The following SFXN2 variants were observed in gnomAD, a reference collection of about 807,000 sequenced individuals.
SFXN2 encodes the protein sideroflexin 2.
In SFXN2, 37 loss-of-function variants were observed where a neutral mutation model predicts 41.9. That is an observed-to-expected ratio of 0.88 (90% CI 0.68 to 1.16). The LOEUF is 1.16. SFXN2 is among the 50% of genes most tolerant of loss of function. The pLI, the probability that SFXN2 is intolerant of heterozygous loss-of-function variation, is 0.00. For missense variants in SFXN2, 386 were observed against 425.2 expected, an observed-to-expected ratio of 0.91 and a Z score of 0.81; for synonymous variants, 150 against 156.7, an observed-to-expected ratio of 0.96 and a Z score of 0.32.
rs767071762 is a variant in SFXN2 at position 102,726,719 on chromosome 10, TA to T, written c.86del (p.Asn29ThrfsTer20). On this transcript the variant is annotated frameshift_variant, in exon 2 of 12. Coordinates refer to ENST00000369893, the MANE Select transcript of SFXN2 (RefSeq NM_178858.6). LOFTEE classifies it high-confidence loss of function. ...RTFLGRVKHF[L>X]NITDPRTVFV... ...TTCCTGGGGAGAGTGAAGCACTTCC[TA>T]AACATCACGGACCCCCGCACTGTCT... The T allele has an allele frequency of 1.2e-6, 2 of 1,614,146 alleles. No homozygotes were observed. Among genetic ancestry groups the T allele is most frequent in the South Asian group, 2.2e-5 (2 of 91,082 alleles).
intron 5 of SFXN2, 51 bp from the exon 6 acceptor site, chr10:102,729,672 C>G (rs868074878): frequency 1.3e-6 from 2 of 1,569,384 alleles, no homozygotes; most frequent in Non-Finnish European, 1.7e-6. Flanking sequence ...CCCCTCCCCT[C>G]CCATCTTCCA....
chr10:102,724,529 C>A (rs572321501), intron 1 of SFXN2, among the ~76,000 whole-genome samples: 5 of 152,170 alleles, frequency 3.3e-5, no homozygotes, highest in African/African-American at 1.2e-4. Flanking sequence ...TGGTGAAACC[C>A]CATCTCTACT....
At chr10:102,722,925 CTTTTTTTTTTTTT>C (rs71019608) in intron 1 of SFXN2, among the ~76,000 whole-genome samples, 2 of 53,364 alleles carry the variant, frequency 3.7e-5, no homozygotes, top group South Asian at 9.8e-4. Context: ...CAAGAAAGTC[CTTTTTTTTTTTTT>C]TTTTTTTTTT....
At chr10:102,731,249 A>G (rs1039878859) in intron 6 of SFXN2, among the ~76,000 whole-genome samples, 15 of 143,636 alleles carry the variant, frequency 1.0e-4, no homozygotes, top group Non-Finnish European at 2.0e-4. Context: ...CCTGGGTGAC[A>G]GAGTGCGATT....
intron 1 of SFXN2, among the ~76,000 whole-genome samples, chr10:102,718,150 A>G (rs888844839): frequency 2.6e-5 from 4 of 152,244 alleles, no homozygotes; most frequent in East Asian, 1.9e-4. Context: ...CCTGACTTCA[A>G]TTAAGAAGGC....
At chr10:102,730,089 T>C (rs185415943) in intron 6 of SFXN2, among the ~76,000 whole-genome samples, 1 of 152,306 alleles carries the variant, frequency 6.6e-6, no homozygotes, top group African/African-American at 2.4e-5. Flanking sequence ...CACTGGATCA[T>C]GTCCTTTTGG....
chr10:102,735,795 G>T, intron 10 of SFXN2, 67 bp from the exon 11 acceptor site: 1 of 1,547,712 alleles, frequency 6.5e-7, no homozygotes, highest in Non-Finnish European at 8.9e-7. Context: ...CCTTTCCCTT[G>T]GGGATGGGGG....
Position 102,740,563 on chromosome 10 carries a change from T to C in SFXN2, c.*2801T>C, listed in dbSNP as rs1002079977. ...AGCCCCAAAAGAAACCCCATACCCA[T>C]TGGCAGTCACTCCACATTCTCCCTA... is the stretch of plus-strand genomic sequence containing the variant. On this transcript the variant is annotated 3_prime_UTR_variant, in exon 12 of 12. Transcript: ENST00000369893. The C allele has an allele frequency of 9.2e-5, 14 of 152,200 alleles. No homozygotes were observed. The highest frequency in any genetic ancestry group is 3.4e-4 in the African/African-American group (14 of 41,434). The allele number at this position is 152,200 out of a possible 1,614,324, so 9.4% of individuals were successfully genotyped here.
In SFXN2 at chr10:102,727,107, C is replaced by G; in HGVS notation, c.282C>G (p.Phe94Leu). The G allele has an allele frequency of 6.2e-7, 1 of 1,607,966 alleles. No homozygotes were observed. ...TGAATGTCATCGGGCGCATGTCTTT[C>G]CAGCTTCCTGGCGGCATGATCATCA... ...EKMNVIGRMS[F>L]QLPGGMIITG... Residue 94 changes from phenylalanine (F) to leucine (L), a missense_variant, in exon 3 of 12, where the codon TTC becomes TTG. Transcript: ENST00000369893.
chr10:102,733,590 C>T lies in SFXN2; in HGVS notation c.808C>T (p.Leu270=). The change falls in exon 10 of 12, where the codon CTG becomes TTG. Residue 270 remains leucine, a synonymous_variant. Coordinates refer to ENST00000369893, the MANE Select transcript of SFXN2 (RefSeq NM_178858.6). ...CCTGCACGCCCCATTGCAGGTCATGCTGAGCGGGTGCTTGTAAGTATCATA... is the reference window on the plus strand; with the variant it reads ...CCTGCACGCCCCATTGCAGGTCATGTTGAGCGGGTGCTTGTAAGTATCATA... ...KVLHAPLQVM[L]SGCFLIFMVP... 1 of 1,614,068 alleles carries T rather than the reference C, an allele frequency of 6.2e-7. No homozygotes were observed. The highest frequency in any genetic ancestry group is 8.5e-7 in the Non-Finnish European group (1 of 1,179,890).
In SFXN2 at chr10:102,734,035, G is replaced by T. The variant is rs183700816; in HGVS notation, c.821+432G>T. 6.6e-6 allele frequency among the ~76,000 whole-genome samples: 1 copy of T among 151,920 alleles called. No individual in the cohort carries two copies. Among genetic ancestry groups the T allele is most frequent in the Non-Finnish European group, 1.5e-5 (1 of 67,996 alleles). ...CCTGAGTAGCTGGGATTACAGGCACGCACCATGATGCCTTGCTAATTTTTG... is the reference window on the plus strand; with the variant it reads ...CCTGAGTAGCTGGGATTACAGGCACTCACCATGATGCCTTGCTAATTTTTG... On this transcript the variant is annotated intron_variant, in intron 10 of 11. Coordinates refer to ENST00000369893, the MANE Select transcript of SFXN2 (RefSeq NM_178858.6). This position sits in a 1 kb window ranked among gnomAD's most constrained non-coding sequence, Gnocchi z 4.1.
In SFXN2 at chr10:102,727,120, G is replaced by T; in HGVS notation, c.295G>T (p.Gly99Cys). ...GCGCATGTCTTTCCAGCTTCCTGGC[G>T]GCATGATCATCACGGGCTTCATGCT... ...IGRMSFQLPG[G>C]MIITGFMLQF... Residue 99 changes from glycine to cysteine, a missense_variant, in exon 3 of 12, where the codon GGC becomes TGC. By Grantham distance (159) the Gly-to-Cys change is radical (BLOSUM62 -3). Coordinates refer to ENST00000369893, the MANE Select transcript of SFXN2 (RefSeq NM_178858.6). The T allele has an allele frequency of 6.2e-7, 1 of 1,607,084 alleles. No individual in the cohort carries two copies. Among genetic ancestry groups the T allele is most frequent in the Non-Finnish European group, 8.5e-7 (1 of 1,174,070 alleles).
In SFXN2 at chr10:102,739,714, C is replaced by G. The variant is rs1372639780; in HGVS notation, c.*1952C>G. ...ATCACCTGAGGTCAGGAGTTCGAGA[C>G]CAGCCTGATCAACATGGTGAAACCC... On this transcript the variant is annotated 3_prime_UTR_variant, in exon 12 of 12. Coordinates refer to ENST00000369893, the MANE Select transcript of SFXN2 (RefSeq NM_178858.6). 2 of 152,098 alleles carry G rather than the reference C, an allele frequency of 1.3e-5. No individual in the cohort carries two copies. The highest frequency in any genetic ancestry group is 2.9e-5 in the Non-Finnish European group (2 of 68,048). 9.4% of individuals were successfully genotyped at this position (152,098 alleles called of 1,614,324 possible). A position where few individuals can be genotyped will look rare whatever the true frequency, so the allele number is the denominator to read the frequency against.
rs764202725 is a variant in SFXN2, at chr10:102,728,492, T to C, written c.394T>C (p.Tyr132His). ...CCAGTCCTTCAATGCCTTAGTCAAC[T>C]ACACCAACAGGAATGCGGCTTCCCC... is the stretch of plus-strand genomic sequence containing the variant. ...VNQSFNALVN[Y>H]TNRNAASPTS... The change falls in exon 4 of 12, where the codon TAC (tyrosine) becomes CAC (histidine). Residue 132 changes from tyrosine (Y) to histidine (H), a missense_variant. Physicochemically the swap from Tyr to His is moderately conservative, Grantham distance 83. Coordinates refer to ENST00000369893, the MANE Select transcript of SFXN2 (RefSeq NM_178858.6). The C allele has an allele frequency of 6.2e-7, 1 of 1,613,888 alleles. No individual in the cohort carries two copies. Among genetic ancestry groups the C allele is most frequent in the South Asian group, 1.1e-5 (1 of 91,078 alleles).
At chr10:102,724,134 A>C (rs1256902592) in intron 1 of SFXN2, among the ~76,000 whole-genome samples, 1 of 152,198 alleles carries the variant, frequency 6.6e-6, no homozygotes, top group Admixed American at 6.5e-5. Flanking sequence ...TAGTTTGCTA[A>C]GGATAATGGC....
rs757911062 is a variant in SFXN2 at position 102,727,014 on chromosome 10, A to G, written c.189A>G (p.Gln63=). ...SRMGVVPPGT[Q]VEQLLYAKKL... is the part of the protein sequence containing the mutation. ...TGGGGGTTGTGCCCCCAGGCACCCAAGTGGAGCAGCTGCTGTATGCCAAGA... is the reference window on the plus strand; with the variant it reads ...TGGGGGTTGTGCCCCCAGGCACCCAGGTGGAGCAGCTGCTGTATGCCAAGA... The change falls in exon 3 of 12, where the codon CAA becomes CAG. Residue 63 remains glutamine, a synonymous_variant. Coordinates refer to ENST00000369893, the MANE Select transcript of SFXN2 (RefSeq NM_178858.6). 2 of 1,603,076 alleles carry G rather than the reference A, an allele frequency of 1.2e-6. No homozygotes were observed. Among genetic ancestry groups the G allele is most frequent in the Non-Finnish European group, 8.5e-7 (1 of 1,171,162 alleles).
chr10:102,729,660 GCCCC>G, intron 5 of SFXN2, 59 bp from the exon 6 acceptor site: 5 of 1,525,506 alleles, frequency 3.3e-6, no homozygotes, highest in Non-Finnish European at 4.5e-6. Flanking sequence ...TAGTCGTTCA[GCCCC>G]CTCCCCTCCC....
At chr10:102,727,486 C>T (rs372379391) in intron 3 of SFXN2, among the ~76,000 whole-genome samples, 1 of 152,160 alleles carries the variant, frequency 6.6e-6, no homozygotes, top group East Asian at 1.9e-4. Flanking sequence ...ACCCCAATTC[C>T]CTCTTTAAAA....
chr10:102,724,084 C>T (rs1003242174), intron 1 of SFXN2, among the ~76,000 whole-genome samples: 4 of 148,670 alleles, frequency 2.7e-5, no homozygotes, highest in African/African-American at 1.0e-4. Context: ...ATTTGGTTTT[C>T]TTACTTATAA....
Sources: gnomAD v4.1 joint callset for allele counts (sites outside exome capture counted in the v4.1 genomes callset) on GRCh38, gnomAD v4.1.1 for gene constraint, Gnocchi (gnomAD v3.1) non-coding constraint, MANE v1.5 for transcripts, NCBI Gene and HGNC (gene_info 2026-07-23, HGNC 2026-07-21) for gene names.